Variants in PHTF2 observed in about 807,000 individuals in gnomAD.
The protein encoded by PHTF2 is protein PHTF2.
A neutral mutation model predicts 101.2 loss-of-function variants in PHTF2; 60 were observed. The observed-to-expected ratio is 0.59, with a 90% CI of 0.48 to 0.73. The LOEUF (loss-of-function observed/expected upper bound fraction) is 0.73, where lower values mean the gene tolerates loss of function less well. PHTF2 is among the 30% of genes least tolerant of loss of function. The probability of loss-of-function intolerance (pLI) is 0.00; values close to 1 mark genes in which losing one functional copy is unlikely to be tolerated. For missense variants in PHTF2, 747 were observed against 908.7 expected, an observed-to-expected ratio of 0.82 and a Z score of 2.29; for synonymous variants, 311 against 307.3, an observed-to-expected ratio of 1.01 and a Z score of -0.13.
rs546368296 is a variant in PHTF2 at position 77,934,291 on chromosome 7, G to A, written c.1339-3419G>A. On this transcript the variant is annotated intron_variant, in intron 12 of 19. Coordinates refer to ENST00000416283, the Ensembl canonical transcript of PHTF2. Reference sequence around the variant, plus strand: ...CATTGTTTTATTTTGTTTGTAAATAGTAATTGAAACATTTCCACAGAAGAA... The same window carrying A: ...CATTGTTTTATTTTGTTTGTAAATAATAATTGAAACATTTCCACAGAAGAA... Among the ~76,000 whole-genome samples the A allele has an allele frequency of 9.7e-4, 148 of 152,244 alleles. 1 individual carries two copies. The highest frequency in any genetic ancestry group is 3.3e-3 in the African/African-American group (139 of 41,546).
rs181182951 is a variant in PHTF2 at position 77,930,192 on chromosome 7, G to T, written c.1338+865G>T. Reference sequence around the variant, plus strand: ...TGGTCTCGAACTCCTGACCTCAAGTGATTCTCCCACCTCAGCCTCCCAAAG... The same window carrying T: ...TGGTCTCGAACTCCTGACCTCAAGTTATTCTCCCACCTCAGCCTCCCAAAG... On this transcript the variant is annotated intron_variant, in intron 12 of 19. Transcript: ENST00000416283. Among the ~76,000 whole-genome samples the T allele has an allele frequency of 1.6e-3, 248 of 151,994 alleles. 3 individuals are homozygous for T. Among genetic ancestry groups the T allele is most frequent in the Non-Finnish European group, 2.7e-3 (182 of 67,952 alleles).
At chr7:77,810,694 C>T (rs1361553610) in intron 1 of PHTF2, among the ~76,000 whole-genome samples, 3 of 151,990 alleles carry the variant, frequency 2.0e-5, no homozygotes, top group Non-Finnish European at 2.9e-5. Context: ...CGTACCACTG[C>T]ACCTGGCTAA....
rs1803895968 is a variant in PHTF2, at chr7:77,925,515, T to G, written c.1119+2737T>G. Among the ~76,000 whole-genome samples the G allele has an allele frequency of 5.9e-5, 8 of 136,280 alleles. No individual in the cohort carries two copies. In the South Asian group the frequency reaches 9.5e-4, roughly 16 times the overall value. 89.4% of individuals were successfully genotyped at this position (136,280 alleles called of 152,430 possible). A position where few individuals can be genotyped will look rare whatever the true frequency, so the allele number is the denominator to read the frequency against. On this transcript the variant is annotated intron_variant, in intron 11 of 19. Transcript: ENST00000416283. ...TTAGGGTTTTTTTTTTTTTTTTTTT[T>G]TTTTTTTTTTTGAGACAGAGTTTCA...
At chr7:77,933,805 A>T (rs1443599800) in intron 12 of PHTF2, among the ~76,000 whole-genome samples, 5 of 151,702 alleles carry the variant, frequency 3.3e-5, no homozygotes, top group Non-Finnish European at 1.5e-5. Flanking sequence ...ACAAAATTAA[A>T]TTTTTTCAAA....
rs187026119 is a variant in PHTF2 at position 77,844,182 on chromosome 7, C to T, written c.45+3882C>T. Among the ~76,000 whole-genome samples, 31 of 152,036 alleles carry T rather than the reference C, an allele frequency of 2.0e-4. No homozygotes were observed. The South Asian group carries it at 2.1e-3, about 10-fold the overall frequency. ...CCACCTAACTTTTGTATTTTTTTGA[C>T]GGGATTTCACCATGTTTCCCAGGCT... On this transcript the variant is annotated intron_variant, in intron 2 of 19. Transcript: ENST00000416283.
intron 16 of PHTF2, among the ~76,000 whole-genome samples, chr7:77,947,826 C>CTTTCT (rs1562976127): frequency 4.7e-4 from 41 of 86,902 alleles, no homozygotes; most frequent in African/African-American, 1.7e-3. Flanking sequence ...TTTCTTTTTT[C>CTTTCT]TTTTTTCTTT....
intron 2 of PHTF2, 138 bp downstream of exon 2, chr7:77,840,438 AAAT>A (rs1795781167): frequency 2.8e-5 from 16 of 570,730 alleles, no homozygotes; most frequent in African/African-American, 5.7e-5. Flanking sequence ...TTTTACTTCT[AAAT>A]AAATTGGAAA....
At chr7:77,932,696 G>T (rs1415728715) in intron 12 of PHTF2, among the ~76,000 whole-genome samples, 1 of 150,892 alleles carries the variant, frequency 6.6e-6, no homozygotes, top group Non-Finnish European at 1.5e-5. Context: ...ATACTGCCTT[G>T]CCACATTGTT....
At chr7:77,954,612 G>GTGTGTGTATATATATATA (rs1426693429) in intron 19 of PHTF2, among the ~76,000 whole-genome samples, 1 of 90,194 alleles carries the variant, frequency 1.1e-5, no homozygotes, top group Non-Finnish European at 2.1e-5. Flanking sequence ...CAAGTACTGT[G>GTGTGTGTATATATATATA]TATATATATA....
chr7:77,877,517 G>A (rs968779191), intron 3 of PHTF2, among the ~76,000 whole-genome samples: 2 of 152,156 alleles, frequency 1.3e-5, no homozygotes, highest in Admixed American at 6.5e-5. Context: ...TTTTGGAAAA[G>A]GTTATTAATC....
At chr7:77,804,399 C>G (rs1443045216) in intron 1 of PHTF2, among the ~76,000 whole-genome samples, 1 of 152,198 alleles carries the variant, frequency 6.6e-6, no homozygotes, top group Non-Finnish European at 1.5e-5. Flanking sequence ...GATCTTGGCT[C>G]ATTGCAACCT....
Position 77,831,836 on chromosome 7 carries a change from G to A in PHTF2, c.-35-8385G>A, listed in dbSNP as rs140574287. 1.8e-3 allele frequency among the ~76,000 whole-genome samples: 280 copies of A among 152,220 alleles called. 2 individuals carry two copies. Among genetic ancestry groups the A allele is most frequent in the African/African-American group, 6.0e-3 (251 of 41,560 alleles). On this transcript the variant is annotated intron_variant, in intron 1 of 19. Transcript: ENST00000416283. ...TGCTGGCTAGGCACAAAATGTCACC[G>A]AAACTTAACCAACATTTTGCAGGAT...
intron 3 of PHTF2, among the ~76,000 whole-genome samples, chr7:77,892,000 G>A (rs1000304023): frequency 1.4e-4 from 21 of 152,300 alleles, no homozygotes; most frequent in Non-Finnish European, 2.5e-4. Context: ...GAGAATAGCC[G>A]GGTGCGTTGG....
In PHTF2 at chr7:77,894,008, AT is replaced by A; in HGVS notation, c.216+20del. ...TTATTAAACTGGTAAGTGTTTCAGG[AT>A]TTTTCCCGCCTGAGTGATCCTGTGC... On this transcript the variant is annotated intron_variant, in intron 5 of 19. Transcript: ENST00000416283. 5 of 1,593,460 alleles carry A rather than the reference AT, an allele frequency of 3.1e-6. No homozygotes were observed. The highest frequency in any genetic ancestry group is 4.3e-6 in the Non-Finnish European group (5 of 1,161,538).
intron 3 of PHTF2, among the ~76,000 whole-genome samples, chr7:77,881,333 T>C (rs1359239592): frequency 6.6e-6 from 1 of 152,124 alleles, no homozygotes; most frequent in Non-Finnish European, 1.5e-5. Flanking sequence ...TCCATATATA[T>C]GTTTATCCTT....
At chr7:77,869,206 A>G (rs867818023) in intron 3 of PHTF2, among the ~76,000 whole-genome samples, 1 of 152,234 alleles carries the variant, frequency 6.6e-6, no homozygotes, top group South Asian at 2.1e-4. Flanking sequence ...TTTGATACAT[A>G]CAATGGGTAA....
intron 1 of PHTF2, among the ~76,000 whole-genome samples, chr7:77,825,687 A>T (rs572337074): frequency 3.3e-5 from 5 of 152,356 alleles, no homozygotes; most frequent in African/African-American, 1.2e-4. Context: ...GTGTGTATGC[A>T]TAAAGACGTG....
At chr7:77,902,302 G>A (rs1237690988) in intron 7 of PHTF2, among the ~76,000 whole-genome samples, 2 of 152,086 alleles carry the variant, frequency 1.3e-5, no homozygotes, top group Admixed American at 1.3e-4. Context: ...CCACCGTGAT[G>A]TGAGCTGTCC....
At chr7:77,841,022 A>C (rs1051314266) in intron 2 of PHTF2, among the ~76,000 whole-genome samples, 17 of 150,934 alleles carry the variant, frequency 1.1e-4, no homozygotes, top group African/African-American at 4.2e-4. Flanking sequence ...GGTCTCTATT[A>C]ACAAAATATA....
Sources: gnomAD v4.1 joint callset for allele counts (sites outside exome capture counted in the v4.1 genomes callset) on GRCh38, gnomAD v4.1.1 for gene constraint, MANE v1.5 for transcripts, NCBI Gene and HGNC (gene_info 2026-07-23, HGNC 2026-07-21) for gene names.